Variants in SLC24A2 observed in about 807,000 individuals in gnomAD.
The protein encoded by SLC24A2 is solute carrier family 24 member 2.
In SLC24A2, 36 loss-of-function variants were observed where a neutral mutation model predicts 62.0. That is an observed-to-expected ratio of 0.58 (90% CI 0.44 to 0.77). The LOEUF (loss-of-function observed/expected upper bound fraction) is 0.77. Ranked by LOEUF, SLC24A2 falls within the 30% of genes least tolerant of loss-of-function variation. SLC24A2 has a pLI of 0.00. For synonymous variants in SLC24A2, 358 were observed against 294.0 expected (o/e 1.22, Z -2.23); for missense variants, 846 against 817.9 (o/e 1.03, Z -0.42).
chr9:20,083,202 A>G, the SLC24A2 span, among the ~76,000 whole-genome samples: 2 of 152,244 alleles, frequency 1.3e-5, no homozygotes, highest in African/African-American at 4.8e-5. Context: ...CATGATGAAC[A>G]AAAGTGCATT....
chr9:19,968,999 G>T, the SLC24A2 span, among the ~76,000 whole-genome samples: 1,981 of 152,128 alleles, frequency 0.013, 48 homozygotes, highest in African/African-American at 0.045. Context: ...GGTTTACAGT[G>T]GCTGTTCTAC....
chr9:19,962,058 A>G, the SLC24A2 span, among the ~76,000 whole-genome samples: 1 of 152,232 alleles, frequency 6.6e-6, no homozygotes, highest in African/African-American at 2.4e-5. Context: ...ATCACCCTTG[A>G]ATCTTGCTTC....
At chr9:20,244,101 T>A in the SLC24A2 span, among the ~76,000 whole-genome samples, 1 of 152,200 alleles carries the variant, frequency 6.6e-6, no homozygotes, top group Non-Finnish European at 1.5e-5. Context: ...CACTTTGGAC[T>A]AATTCCTTTG....
chr9:20,067,777 A>G, the SLC24A2 span, among the ~76,000 whole-genome samples: 4 of 152,128 alleles, frequency 2.6e-5, no homozygotes, highest in African/African-American at 9.7e-5. Flanking sequence ...TTCTTTATCC[A>G]ATCCACCACT....
chr9:20,005,865 T>TA, the SLC24A2 span, among the ~76,000 whole-genome samples: 58,923 of 140,572 alleles, frequency 0.42, 12,593 homozygotes, highest in Non-Finnish European at 0.47. Context: ...CCTACTCCAT[T>TA]AAAAAAAAAA....
chr9:20,299,839 C>T, the SLC24A2 span, among the ~76,000 whole-genome samples: 1 of 152,218 alleles, frequency 6.6e-6, no homozygotes, highest in Non-Finnish European at 1.5e-5. Flanking sequence ...ACTTGGACCT[C>T]TTATTCCAAG....
chr9:19,942,716 C>T, the SLC24A2 span, among the ~76,000 whole-genome samples: 3 of 152,170 alleles, frequency 2.0e-5, no homozygotes, highest in Admixed American at 1.3e-4. Flanking sequence ...CTACGTGGCA[C>T]TGTGCCCAGG....
intron 2 of SLC24A2, among the ~76,000 whole-genome samples, chr9:19,681,358 C>A (rs1587143493): frequency 6.6e-6 from 1 of 152,172 alleles, no homozygotes; most frequent in Non-Finnish European, 1.5e-5. Context: ...TGCAACCTCT[C>A]TGCACCGCAG....
chr9:20,243,392 T>A, the SLC24A2 span, among the ~76,000 whole-genome samples: 1 of 152,152 alleles, frequency 6.6e-6, no homozygotes, highest in African/African-American at 2.4e-5. Flanking sequence ...ATTTGACACA[T>A]GCAATGAGGT....
At chr9:20,165,446 T>C in the SLC24A2 span, among the ~76,000 whole-genome samples, 1 of 151,868 alleles carries the variant, frequency 6.6e-6, no homozygotes, top group Non-Finnish European at 1.5e-5. Context: ...GGTGTGGTAA[T>C]GGCACATGAC....
At chr9:19,542,581 A>G (rs1006924527) in intron 8 of SLC24A2, among the ~76,000 whole-genome samples, 1 of 152,216 alleles carries the variant, frequency 6.6e-6, no homozygotes. Context: ...TGGGTTTGCC[A>G]TAAACAGCTC....
the SLC24A2 span, among the ~76,000 whole-genome samples, chr9:20,234,920 C>G: frequency 3.3e-5 from 5 of 152,148 alleles, no homozygotes; most frequent in Non-Finnish European, 7.3e-5. Flanking sequence ...GATGTCCTTT[C>G]TGTTTGTTCG....
the SLC24A2 span, among the ~76,000 whole-genome samples, chr9:20,162,500 C>G: frequency 1.3e-5 from 2 of 151,902 alleles, no homozygotes; most frequent in African/African-American, 4.8e-5. Context: ...AGCTTACCAA[C>G]CAAAAAGAGT....
At chr9:20,053,194 G>A in the SLC24A2 span, among the ~76,000 whole-genome samples, 288 of 151,970 alleles carry the variant, frequency 1.9e-3, 2 homozygotes, top group African/African-American at 6.4e-3. Context: ...GTTTTCCTTC[G>A]TTATTCTAAA....
At chr9:20,100,306 C>T in the SLC24A2 span, among the ~76,000 whole-genome samples, 2 of 152,082 alleles carry the variant, frequency 1.3e-5, no homozygotes, top group Non-Finnish European at 2.9e-5. Flanking sequence ...AGCCATACAC[C>T]CACCTTGGCC....
intron 2 of SLC24A2, among the ~76,000 whole-genome samples, chr9:19,744,235 C>T (rs963068598): frequency 6.6e-6 from 1 of 152,134 alleles, no homozygotes; most frequent in African/African-American, 2.4e-5. Flanking sequence ...CAAAATACTG[C>T]TTCCTTGACT....
the SLC24A2 span, among the ~76,000 whole-genome samples, chr9:20,004,686 G>C: frequency 6.3e-3 from 953 of 152,206 alleles, 8 homozygotes; most frequent in African/African-American, 0.021. Context: ...ATTTGGTTTT[G>C]TATATGTGTT....
At chr9:20,264,672 G>T in the SLC24A2 span, among the ~76,000 whole-genome samples, 1 of 152,144 alleles carries the variant, frequency 6.6e-6, no homozygotes, top group Non-Finnish European at 1.5e-5. Flanking sequence ...TAGTGTCCTT[G>T]TGATATTTGA....
chr9:20,020,245 C>T, the SLC24A2 span, among the ~76,000 whole-genome samples: 8 of 152,168 alleles, frequency 5.3e-5, no homozygotes, highest in African/African-American at 1.9e-4. Context: ...GATTATAAAT[C>T]ATTCTACTAT....
Sources: gnomAD v4.1 joint callset for allele counts (sites outside exome capture counted in the v4.1 genomes callset) on GRCh38, gnomAD v4.1.1 for gene constraint, MANE v1.5 for transcripts, NCBI Gene and HGNC (gene_info 2026-07-23, HGNC 2026-07-21) for gene names.